Variants in PTPRD observed in about 807,000 individuals in gnomAD.
The protein encoded by PTPRD is protein tyrosine phosphatase receptor type D.
A neutral mutation model predicts 214.5 loss-of-function variants in PTPRD; 34 were observed. That is an observed-to-expected ratio of 0.16 (90% CI 0.12 to 0.21). The LOEUF (loss-of-function observed/expected upper bound fraction) is 0.21. Among genes scored for constraint, PTPRD ranks in the 10% least tolerant of loss-of-function variants. The pLI is 1.00. For missense variants in PTPRD, 2,545 were observed against 2,398.7 expected (o/e 1.06, Z -1.27); for synonymous variants, 1,128 against 845.7 (o/e 1.33, Z -5.79).
At chr9:9,284,191 G>A (rs1948663455) in intron 9 of PTPRD, among the ~76,000 whole-genome samples, 1 of 151,536 alleles carries the variant, frequency 6.6e-6, no homozygotes, top group South Asian at 2.1e-4. Flanking sequence ...CTAACTTTCA[G>A]GTTTTAATTC....
At chr9:9,633,783 C>G (rs2095667161) in intron 7 of PTPRD, among the ~76,000 whole-genome samples, 1 of 152,130 alleles carries the variant, frequency 6.6e-6, no homozygotes, top group Admixed American at 6.5e-5. Context: ...GTAAAATCAT[C>G]TGCTTAAAAT....
intron 14 of PTPRD, among the ~76,000 whole-genome samples, chr9:8,538,532 T>A (rs1351551562): frequency 1.3e-5 from 2 of 151,206 alleles, no homozygotes; most frequent in Non-Finnish European, 3.0e-5. Context: ...TCAAATGTTA[T>A]AAAAAAAAGA....
chr9:8,614,454 C>CCA (rs538132273), intron 14 of PTPRD, among the ~76,000 whole-genome samples: 11 of 152,158 alleles, frequency 7.2e-5, no homozygotes, highest in Admixed American at 2.0e-4. Context: ...TGATAAGATG[C>CCA]CACACAGATT....
chr9:8,462,763 T>C (rs567839523), intron 32 of PTPRD, among the ~76,000 whole-genome samples: 2 of 152,106 alleles, frequency 1.3e-5, no homozygotes, highest in Non-Finnish European at 1.5e-5. Context: ...CCAAAAAAGA[T>C]AAAAATAACA....
At chr9:9,145,159 G>A (rs1210057199) in intron 10 of PTPRD, among the ~76,000 whole-genome samples, 2 of 152,104 alleles carry the variant, frequency 1.3e-5, no homozygotes, top group Non-Finnish European at 2.9e-5. Flanking sequence ...TGTGTTGCTA[G>A]GCAGCAAAAT....
chr9:10,319,138 T>A (rs561426673), intron 3 of PTPRD, among the ~76,000 whole-genome samples: 3 of 152,224 alleles, frequency 2.0e-5, no homozygotes, highest in Non-Finnish European at 2.9e-5. Flanking sequence ...ACCACCAGCA[T>A]AAGCTACTTA....
At chr9:9,844,228 T>C (rs930416837) in intron 5 of PTPRD, among the ~76,000 whole-genome samples, 1 of 152,052 alleles carries the variant, frequency 6.6e-6, no homozygotes, top group African/African-American at 2.4e-5. Flanking sequence ...TCAAGTTTAA[T>C]GTGATTTTTA....
chr9:9,429,851 AC>A (rs200939159), intron 8 of PTPRD, among the ~76,000 whole-genome samples: 5,349 of 152,142 alleles, frequency 0.035, 216 homozygotes, highest in African/African-American at 0.097. Flanking sequence ...AAATTCAACA[AC>A]CCTTCATGCT....
intron 7 of PTPRD, among the ~76,000 whole-genome samples, chr9:9,721,480 T>G (rs1346249659): frequency 6.6e-6 from 1 of 152,094 alleles, no homozygotes; most frequent in Non-Finnish European, 1.5e-5. Flanking sequence ...GGGGCACAGG[T>G]TCAAAACAAG....
chr9:10,241,787 A>G (rs2091109810), intron 3 of PTPRD, among the ~76,000 whole-genome samples: 1 of 151,970 alleles, frequency 6.6e-6, no homozygotes, highest in South Asian at 2.1e-4. Context: ...ATAAATAAAT[A>G]CATATGTCAA....
At chr9:9,972,447 C>CCCACA (rs2095158750) in intron 4 of PTPRD, among the ~76,000 whole-genome samples, 1 of 152,176 alleles carries the variant, frequency 6.6e-6, no homozygotes, top group Non-Finnish European at 1.5e-5. Flanking sequence ...CCACATTACT[C>CCCACA]TTTTGGGTTA....
chr9:10,484,690 T>G (rs969194453), intron 2 of PTPRD, among the ~76,000 whole-genome samples: 1 of 152,076 alleles, frequency 6.6e-6, no homozygotes, highest in African/African-American at 2.4e-5. Context: ...TCTATTTAGA[T>G]TTTTTGCTCA....
At chr9:10,455,579 C>T (rs560003376) in intron 2 of PTPRD, among the ~76,000 whole-genome samples, 2 of 151,588 alleles carry the variant, frequency 1.3e-5, no homozygotes, top group South Asian at 2.1e-4. Flanking sequence ...GTTTTTAATT[C>T]CTTTTGTTCG....
At chr9:9,332,149 T>A (rs1239282356) in intron 9 of PTPRD, among the ~76,000 whole-genome samples, 3 of 152,032 alleles carry the variant, frequency 2.0e-5, no homozygotes, top group African/African-American at 7.2e-5. Flanking sequence ...AATACCAAAT[T>A]GTAAGAATGT....
At chr9:8,748,541 G>GAAAAA (rs1276346481) in intron 11 of PTPRD, among the ~76,000 whole-genome samples, 11 of 102,998 alleles carry the variant, frequency 1.1e-4, no homozygotes, top group Non-Finnish European at 1.7e-4. Flanking sequence ...AAAAAAAAAA[G>GAAAAA]AAAAAGAAAA....
intron 11 of PTPRD, among the ~76,000 whole-genome samples, chr9:8,794,535 A>C (rs2096348788): frequency 6.7e-6 from 1 of 148,292 alleles, no homozygotes; most frequent in Non-Finnish European, 1.5e-5. Flanking sequence ...TTTTAGACAA[A>C]GTCTCATTAT....
intron 4 of PTPRD, among the ~76,000 whole-genome samples, chr9:10,009,119 T>A (rs552860926): frequency 6.6e-6 from 1 of 152,152 alleles, no homozygotes; most frequent in Non-Finnish European, 1.5e-5. Flanking sequence ...GTTAAATTAA[T>A]GCAATTCTGT....
intron 14 of PTPRD, among the ~76,000 whole-genome samples, chr9:8,575,967 A>G (rs2092297097): frequency 1.3e-5 from 2 of 152,180 alleles, no homozygotes; most frequent in South Asian, 4.1e-4. Flanking sequence ...CAGCAGAGAA[A>G]TAACTTAGGT....
At chr9:9,231,940 T>C (rs182467208) in intron 9 of PTPRD, among the ~76,000 whole-genome samples, 239 of 152,248 alleles carry the variant, frequency 1.6e-3, no homozygotes, top group African/African-American at 5.5e-3. Context: ...TCACTCTCCA[T>C]CCAGGAAACT....
Sources: allele counts gnomAD v4.1 joint callset (sites outside exome capture counted in the v4.1 genomes callset), GRCh38; gene constraint gnomAD v4.1.1; transcripts MANE v1.5; gene names NCBI Gene and HGNC (gene_info 2026-07-23, HGNC 2026-07-21).